The following CST3 variants were observed in gnomAD, a reference collection of about 807,000 sequenced individuals.
The protein encoded by CST3 is cystatin-C.
In CST3, 14 loss-of-function variants were observed where a neutral mutation model predicts 9.0. The ratio of observed to expected loss-of-function variants is 1.56; its 90% CI spans 1.03 to 2.44. The LOEUF (loss-of-function observed/expected upper bound fraction) is 2.44. Ranked by LOEUF, CST3 falls within the 30% of genes most tolerant of loss-of-function variation. The pLI, the probability that CST3 is intolerant of heterozygous loss-of-function variation, is 0.00. For synonymous variants in CST3, 96 were observed against 90.2 expected (o/e 1.06, Z -0.37); for missense variants, 237 against 204.3 (o/e 1.16, Z -0.98).
At chr20:23,630,749 A>T (rs1005138511), downstream of CST3, among the ~76,000 whole-genome samples, 1 of 151,484 alleles carries the variant, frequency 6.6e-6, no homozygotes, top group African/African-American at 2.4e-5. Context: ...AAGTCCATAA[A>T]TAATAAACCA....
At chr20:23,635,152 C>A (rs1044705043) in intron 2 of CST3, 102 bp downstream of exon 2, 14 of 1,020,804 alleles carry the variant, frequency 1.4e-5, no homozygotes. Context: ...CACTCAGGCA[C>A]ATGCACACGT....
chr20:23,635,206 ACCCCTCTGCAGTGTATGACTGGC>A (rs753633929), intron 2 of CST3, 25 bp downstream of exon 2: 3 of 1,386,292 alleles, frequency 2.2e-6, no homozygotes, highest in Non-Finnish European at 3.1e-6. Flanking sequence ...ACACACACAC[ACCCCTCTGCAGTGTATGACTGGC>A]CCTGGACCCA....
chr20:23,634,991 T>G (rs893402967), intron 2 of CST3, among the ~76,000 whole-genome samples: 2 of 151,776 alleles, frequency 1.3e-5, no homozygotes, highest in African/African-American at 4.8e-5. Flanking sequence ...CACACATATG[T>G]GCACACACAT....
downstream of CST3, among the ~76,000 whole-genome samples, chr20:23,633,025 T>C (rs1331404990): frequency 1.3e-5 from 2 of 152,166 alleles, no homozygotes; most frequent in African/African-American, 4.8e-5. Context: ...TATGAGCCTG[T>C]AAAACTCTGG....
chr20:23,635,399 AGCAC>A (rs752222035), intron 1 of CST3, 32 bp from the exon 2 acceptor site: 19 of 1,579,220 alleles, frequency 1.2e-5, no homozygotes, highest in Non-Finnish European at 1.4e-5. Flanking sequence ...AGGCAGGGAC[AGCAC>A]GTTCTGTCAG....
intron 1 of CST3, among the ~76,000 whole-genome samples, chr20:23,636,406 A>G (rs1340685683): frequency 6.6e-6 from 1 of 152,168 alleles, no homozygotes; most frequent in Non-Finnish European, 1.5e-5. Context: ...GGGTGTCTTC[A>G]TCTGGCTGAG....
Position 23,634,019 on chromosome 20 carries a change from G to A in CST3, c.358-20C>T, listed in dbSNP as rs777720033. On this transcript the variant is annotated intron_variant, in intron 2 of 2. Transcript: ENST00000376925. Reference sequence around the variant, plus strand: ...TGCTTTCTGTGAAAGGAAACAGAGGGGACAATCAGTGTGGGTTACAGTTCA... The same window carrying A: ...TGCTTTCTGTGAAAGGAAACAGAGGAGACAATCAGTGTGGGTTACAGTTCA... The A allele has an allele frequency of 1.4e-5, 22 of 1,603,500 alleles. No individual in the cohort carries two copies. The Admixed American group carries it at 3.3e-4, about 24-fold the overall frequency.
downstream of CST3, among the ~76,000 whole-genome samples, chr20:23,631,288 G>A (rs187956084): frequency 1.4e-4 from 21 of 152,186 alleles, no homozygotes; most frequent in African/African-American, 4.3e-4. Flanking sequence ...GGCTCTGGGC[G>A]GTCTCCTGTG....
chr20:23,631,802 G>GA (rs1979460140), downstream of CST3: 1 of 152,230 alleles, frequency 6.6e-6, no homozygotes, highest in South Asian at 2.1e-4. Flanking sequence ...CACCAGTGTA[G>GA]AACCAGATCA....
chr20:23,629,739 GGGGGA>G (rs376196182), downstream of CST3, among the ~76,000 whole-genome samples: 25 of 97,998 alleles, frequency 2.6e-4, no homozygotes, highest in African/African-American at 9.7e-4. Context: ...ACTGGTGGGG[GGGGGA>G]GGGGGTGGAA....
downstream of CST3, chr20:23,628,676 T>C: frequency 6.6e-6 from 1 of 152,234 alleles, no homozygotes; most frequent in East Asian, 1.9e-4. Flanking sequence ...GGCATCAGGC[T>C]CTGCTTGGTG....
intron 1 of CST3, among the ~76,000 whole-genome samples, chr20:23,635,856 G>A (rs927842140): frequency 2.6e-5 from 4 of 152,156 alleles, no homozygotes; most frequent in Non-Finnish European, 5.9e-5. Flanking sequence ...TGATTTTCAA[G>A]GCAATATTTC....
downstream of CST3, among the ~76,000 whole-genome samples, chr20:23,629,825 C>A (rs1979384840): frequency 6.6e-6 from 1 of 152,124 alleles, no homozygotes; most frequent in Admixed American, 6.5e-5. Flanking sequence ...ATACCCAGTG[C>A]TGGGTTTGAG....
chr20:23,632,756 C>T (rs1979497603), downstream of CST3, among the ~76,000 whole-genome samples: 1 of 152,236 alleles, frequency 6.6e-6, no homozygotes, highest in Admixed American at 6.5e-5. Flanking sequence ...GTAAGGGCTG[C>T]ACCCCTGTCC....
chr20:23,635,317 C>G lies in CST3; in HGVS notation c.294G>C (p.Thr98=), dbSNP rs746101235. Residue 98 remains threonine (T), a synonymous_variant, in exon 2 of 3, where the codon ACG becomes ACC. Coordinates refer to ENST00000376925, the MANE Select transcript of CST3 (RefSeq NM_000099.4). ...YFLDVELGRT[T]CTKTQPNLDN... Reference sequence around the variant, plus strand: ...CCAAGTTGGGCTGGGTCTTGGTACACGTGGTTCGGCCCAGCTCCACGTCCA... The same window carrying G: ...CCAAGTTGGGCTGGGTCTTGGTACAGGTGGTTCGGCCCAGCTCCACGTCCA... The G allele has an allele frequency of 1.2e-6, 2 of 1,613,880 alleles. No individual in the cohort carries two copies. Among genetic ancestry groups the G allele is most frequent in the Non-Finnish European group, 1.7e-6 (2 of 1,179,762 alleles).
downstream of CST3, among the ~76,000 whole-genome samples, chr20:23,633,058 G>C (rs896812225): frequency 2.6e-5 from 4 of 152,166 alleles, no homozygotes; most frequent in Non-Finnish European, 5.9e-5. Flanking sequence ...TCCCAGGATG[G>C]ATGACAGCAG....
chr20:23,637,885 G>A lies in CST3; in HGVS notation c.-23C>T. 7.2e-7 allele frequency: 1 copy of A among 1,384,822 alleles called. No individual in the cohort carries two copies. The allele number at this position is 1,384,822 out of a possible 1,614,324, so 85.8% of individuals were successfully genotyped here. A position where few individuals can be genotyped will look rare whatever the true frequency, so the allele number is the denominator to read the frequency against. ...CATGGTCGGCTAGGACGCGGGACGCGGGGAGTGGGGCGCAGGCGAGAGGCT... is the reference window on the plus strand; with the variant it reads ...CATGGTCGGCTAGGACGCGGGACGCAGGGAGTGGGGCGCAGGCGAGAGGCT... On this transcript the variant is annotated 5_prime_UTR_variant, in exon 1 of 3. Transcript: ENST00000376925.
At chr20:23,630,889 G>A (rs1165854180), downstream of CST3, among the ~76,000 whole-genome samples, 1 of 151,560 alleles carries the variant, frequency 6.6e-6, no homozygotes, top group African/African-American at 2.4e-5. Context: ...AAAATATCCA[G>A]GAATAAATTT....
At chr20:23,631,084 G>A (rs1434472046), downstream of CST3, among the ~76,000 whole-genome samples, 1 of 151,784 alleles carries the variant, frequency 6.6e-6, no homozygotes, top group African/African-American at 2.4e-5. Flanking sequence ...TCATTTGGAG[G>A]AAGAAATACA....
Sources: gnomAD v4.1 joint callset for allele counts (sites outside exome capture counted in the v4.1 genomes callset) on GRCh38, gnomAD v4.1.1 for gene constraint, MANE v1.5 for transcripts, NCBI Gene and HGNC (gene_info 2026-07-23, HGNC 2026-07-21) for gene names.